MCTP1: variants seen among roughly 807,000 people sequenced by gnomAD.
The protein encoded by MCTP1 is multiple C2 and transmembrane domain containing 1.
In MCTP1, 69 loss-of-function variants were observed where a neutral mutation model predicts 120.6. The ratio of observed to expected loss-of-function variants is 0.57; its 90% CI spans 0.47 to 0.70. MCTP1 has a LOEUF of 0.70. MCTP1 is among the 30% of genes least tolerant of loss of function. MCTP1 has a pLI of 0.00. For synonymous variants in MCTP1, 529 were observed against 493.1 expected, an observed-to-expected ratio of 1.07 and a Z score of -0.96; for missense variants, 1,203 against 1,248.8, an observed-to-expected ratio of 0.96 and a Z score of 0.55.
rs68145010 is a variant in MCTP1 at position 94,954,035 on chromosome 5, AAT to A, written c.839-676_839-675del. On this transcript the variant is annotated intron_variant, in intron 2 of 22. Coordinates refer to ENST00000515393, the MANE Select transcript of MCTP1 (RefSeq NM_024717.7). Reference sequence around the variant, plus strand: ...ACAAATATATATGCATATATATACAAATATATATATGCATATATATACAAATA... The same window carrying A: ...ACAAATATATATGCATATATATACAAATATATATGCATATATATACAAATA... 1.3e-3 allele frequency among the ~76,000 whole-genome samples: 65 copies of A among 51,086 alleles called. 1 individual carries two copies. The highest frequency in any genetic ancestry group is 1.8e-3 in the Non-Finnish European group (47 of 26,042). 33.5% of individuals were successfully genotyped at this position (51,086 alleles called of 152,430 possible). A position where few individuals can be genotyped will look rare whatever the true frequency, so the allele number is the denominator to read the frequency against.
At chr5:94,824,989 C>T (rs935893921) in intron 17 of MCTP1, among the ~76,000 whole-genome samples, 6 of 152,148 alleles carry the variant, frequency 3.9e-5, no homozygotes, top group East Asian at 1.9e-4. Context: ...AAAAAACCAG[C>T]CCCTGGATAC....
chr5:95,136,153 G>A lies in MCTP1; in HGVS notation c.721-118669C>T, dbSNP rs183727145. On this transcript the variant is annotated intron_variant, in intron 1 of 22. Coordinates refer to ENST00000515393, the MANE Select transcript of MCTP1 (RefSeq NM_024717.7). Reference sequence around the variant, plus strand: ...TTGGTAATCATTATTTCTAAGCCTTGGTATCCCTTCTCCCTCTCTTCAACC... The same window carrying A: ...TTGGTAATCATTATTTCTAAGCCTTAGTATCCCTTCTCCCTCTCTTCAACC... 5.0e-3 allele frequency among the ~76,000 whole-genome samples: 767 copies of A among 152,168 alleles called. 5 individuals carry two copies. The highest frequency in any genetic ancestry group is 8.4e-3 in the Admixed American group (129 of 15,288).
intron 1 of MCTP1, among the ~76,000 whole-genome samples, chr5:95,191,046 T>C (rs889866520): frequency 1.4e-4 from 22 of 152,158 alleles, no homozygotes; most frequent in African/African-American, 5.1e-4. Flanking sequence ...ATGACCTTAT[T>C]ACAAGTTATT....
At chr5:95,265,279 A>T (rs1207503651) in intron 1 of MCTP1, among the ~76,000 whole-genome samples, 2 of 152,080 alleles carry the variant, frequency 1.3e-5, no homozygotes, top group Non-Finnish European at 2.9e-5. Flanking sequence ...CCTCAGCTCT[A>T]CCCAGCTTCC....
At position 94,714,831 on chromosome 5, in the gene MCTP1, A is replaced by T; in HGVS notation, c.2666T>A (p.Val889Asp). ...NKIYAIQEVC[V>D]SVQNILDEVA... ...TTCATCTAGGATGTTCTGGACACTGACACATACCTCCTGGATGGCATAGAT... is the reference window on the plus strand; with the variant it reads ...TTCATCTAGGATGTTCTGGACACTGTCACATACCTCCTGGATGGCATAGAT... Residue 889 changes from valine to aspartate, a missense_variant, in exon 20 of 23, where the codon GTC (valine) becomes GAC (aspartate). Physicochemically the swap from Val to Asp is radical, Grantham distance 152. Transcript: ENST00000515393. The T allele has an allele frequency of 6.2e-7, 1 of 1,613,076 alleles. No individual in the cohort carries two copies. Among genetic ancestry groups the T allele is most frequent in the Non-Finnish European group, 8.5e-7 (1 of 1,179,160 alleles).
intron 1 of MCTP1, among the ~76,000 whole-genome samples, chr5:95,057,173 T>A (rs1747614629): frequency 6.6e-6 from 1 of 152,108 alleles, no homozygotes; most frequent in African/African-American, 2.4e-5. Flanking sequence ...CAGAGGTGTA[T>A]GTTAAACTTT....
intron 1 of MCTP1, among the ~76,000 whole-genome samples, chr5:95,134,930 T>C (rs1346510028): frequency 4.8e-5 from 7 of 145,166 alleles, no homozygotes. Context: ...GCAATTGTGG[T>C]TTAATACAAC....
At chr5:95,255,907 C>T (rs1757834278) in intron 1 of MCTP1, among the ~76,000 whole-genome samples, 1 of 152,114 alleles carries the variant, frequency 6.6e-6, no homozygotes, top group African/African-American at 2.4e-5. Context: ...AGCACTGCAC[C>T]AGGCAGAAGT....
At chr5:95,204,785 T>C (rs1198691812) in intron 1 of MCTP1, among the ~76,000 whole-genome samples, 2 of 152,060 alleles carry the variant, frequency 1.3e-5, no homozygotes, top group Non-Finnish European at 2.9e-5. Context: ...AACAATAAAA[T>C]ACTCGTAAAT....
At chr5:94,752,104 AT>A (rs1768517140) in intron 19 of MCTP1, among the ~76,000 whole-genome samples, 6 of 56,096 alleles carry the variant, frequency 1.1e-4, no homozygotes, top group Admixed American at 9.9e-4. Context: ...AACTTAAATA[AT>A]AAAATATATA....
intron 19 of MCTP1, among the ~76,000 whole-genome samples, chr5:94,733,856 C>T (rs535246379): frequency 4.4e-4 from 66 of 151,364 alleles, no homozygotes; most frequent in Admixed American, 1.1e-3. Flanking sequence ...CCCAGCTACC[C>T]GGGAGGCTGA....
At chr5:94,894,052 G>A (rs556743010) in intron 11 of MCTP1, among the ~76,000 whole-genome samples, 56 of 152,194 alleles carry the variant, frequency 3.7e-4, no homozygotes, top group Non-Finnish European at 4.0e-4. Flanking sequence ...ATTTCAGTTA[G>A]GTAAAATTTG....
At chr5:95,145,990 A>G (rs985987801) in intron 1 of MCTP1, among the ~76,000 whole-genome samples, 5 of 152,142 alleles carry the variant, frequency 3.3e-5, no homozygotes, top group African/African-American at 1.2e-4. Context: ...TATGTCTGGT[A>G]GAACTCTGCT....
intron 1 of MCTP1, among the ~76,000 whole-genome samples, chr5:95,146,747 GTGTT>G (rs2152451195): frequency 6.6e-6 from 1 of 152,232 alleles, no homozygotes; most frequent in South Asian, 2.1e-4. Flanking sequence ...GTCCAAGAGA[GTGTT>G]TGTTATGATT....
intron 17 of MCTP1, among the ~76,000 whole-genome samples, chr5:94,820,596 TC>T (rs1303839084): frequency 2.0e-5 from 3 of 152,240 alleles, no homozygotes; most frequent in Non-Finnish European, 2.9e-5. Flanking sequence ...GTTAGACTTC[TC>T]AACTTTTAAA....
At chr5:94,734,501 G>A (rs1763772680) in intron 19 of MCTP1, among the ~76,000 whole-genome samples, 1 of 152,200 alleles carries the variant, frequency 6.6e-6, no homozygotes, top group Admixed American at 6.5e-5. Flanking sequence ...ATTCAATGAA[G>A]AAGTCAGGCC....
intron 3 of MCTP1, among the ~76,000 whole-genome samples, chr5:94,946,811 C>G (rs10476618): frequency 6.6e-6 from 1 of 151,998 alleles, no homozygotes; most frequent in African/African-American, 2.4e-5. Context: ...TGACCACCCA[C>G]GTGGACATTC....
chr5:95,256,602 G>A (rs949535893), intron 1 of MCTP1, among the ~76,000 whole-genome samples: 4 of 152,060 alleles, frequency 2.6e-5, no homozygotes, highest in Admixed American at 6.6e-5. Flanking sequence ...TCCCTTTTTG[G>A]CTTCTTAGCT....
chr5:95,021,340 G>A (rs1838169244), intron 1 of MCTP1, among the ~76,000 whole-genome samples: 1 of 152,020 alleles, frequency 6.6e-6, no homozygotes, highest in Non-Finnish European at 1.5e-5. Context: ...GTTAGCTATT[G>A]TCAGTTTCCA....
Sources: allele counts gnomAD v4.1 joint callset (sites outside exome capture counted in the v4.1 genomes callset), GRCh38; gene constraint gnomAD v4.1.1; transcripts MANE v1.5; gene names NCBI Gene and HGNC (gene_info 2026-07-23, HGNC 2026-07-21).